CNTNAP2: variants seen among roughly 807,000 people sequenced by gnomAD.
The protein encoded by CNTNAP2 is contactin-associated protein-like 2.
Under a neutral mutation model 155.2 loss-of-function variants are expected in CNTNAP2, and 98 were observed. The observed-to-expected ratio is 0.63, with a 90% CI of 0.54 to 0.75. The LOEUF is 0.75. Ranked by LOEUF, CNTNAP2 falls within the 30% of genes least tolerant of loss-of-function variation. The probability of loss-of-function intolerance (pLI) is 0.00; values close to 1 mark genes in which losing one functional copy is unlikely to be tolerated. For missense variants in CNTNAP2, 1,727 were observed against 1,688.1 expected (o/e 1.02, Z -0.40); for synonymous variants, 651 against 631.2 (o/e 1.03, Z -0.47).
intron 13 of CNTNAP2, among the ~76,000 whole-genome samples, chr7:147,896,772 A>T (rs1424607489): frequency 2.0e-5 from 3 of 152,204 alleles, no homozygotes; most frequent in Non-Finnish European, 2.9e-5. Flanking sequence ...ATAATTTCTA[A>T]TCTTGCGGCT....
chr7:148,243,287 C>G (rs1473676114), intron 20 of CNTNAP2, among the ~76,000 whole-genome samples: 2 of 152,180 alleles, frequency 1.3e-5, no homozygotes, highest in African/African-American at 4.8e-5. Flanking sequence ...TTAACCCCAA[C>G]AGTGGAACAC....
intron 10 of CNTNAP2, among the ~76,000 whole-genome samples, chr7:147,419,071 CA>C (rs1216788135): frequency 2.0e-5 from 3 of 152,030 alleles, no homozygotes; most frequent in African/African-American, 7.2e-5. Context: ...TTTCCAATGC[CA>C]AAAAAATTTC....
chr7:146,939,020 C>A (rs1466052535), intron 3 of CNTNAP2, among the ~76,000 whole-genome samples: 2 of 151,906 alleles, frequency 1.3e-5, no homozygotes, highest in East Asian at 3.9e-4. Flanking sequence ...GGAAACCTGA[C>A]ATTTACAAGA....
intron 18 of CNTNAP2, among the ~76,000 whole-genome samples, chr7:148,201,650 A>G (rs1318639684): frequency 6.6e-6 from 1 of 152,140 alleles, no homozygotes; most frequent in Admixed American, 6.5e-5. Flanking sequence ...TTTGTATGCA[A>G]CTAAACTTTG....
At chr7:146,841,887 CTTT>C (rs71929031) in intron 3 of CNTNAP2, among the ~76,000 whole-genome samples, 1 of 145,864 alleles carries the variant, frequency 6.9e-6, no homozygotes, top group Non-Finnish European at 1.5e-5. Flanking sequence ...GTCTTGGAGT[CTTT>C]TTTTTTTTTG....
chr7:148,067,921 G>C (rs1158640046), intron 15 of CNTNAP2, among the ~76,000 whole-genome samples: 2 of 152,120 alleles, frequency 1.3e-5, no homozygotes, highest in Admixed American at 6.5e-5. Flanking sequence ...GGTTTCCAGG[G>C]AAGTGGGGGA....
At chr7:146,889,294 T>C (rs1322975647) in intron 3 of CNTNAP2, among the ~76,000 whole-genome samples, 12 of 152,180 alleles carry the variant, frequency 7.9e-5, no homozygotes. Flanking sequence ...GAATCTAAAA[T>C]ATGTGTAAAT....
chr7:146,750,169 T>C (rs1033441148), intron 1 of CNTNAP2, among the ~76,000 whole-genome samples: 4 of 152,112 alleles, frequency 2.6e-5, no homozygotes, highest in Non-Finnish European at 5.9e-5. Context: ...CAACATCAAC[T>C]CATATTCTTA....
intron 13 of CNTNAP2, among the ~76,000 whole-genome samples, chr7:147,792,497 AGT>A (rs3054133): frequency 3.9e-4 from 59 of 150,676 alleles, no homozygotes; most frequent in East Asian, 2.5e-3. Context: ...TCCACGTTGT[AGT>A]GTGTGTGTGT....
At chr7:147,675,923 A>G in intron 13 of CNTNAP2, among the ~76,000 whole-genome samples, 1 of 152,082 alleles carries the variant, frequency 6.6e-6, no homozygotes, top group African/African-American at 2.4e-5. Context: ...AAAAATAACG[A>G]TATTTTAATA....
At chr7:146,918,924 C>A (rs1015632776) in intron 3 of CNTNAP2, among the ~76,000 whole-genome samples, 2 of 152,132 alleles carry the variant, frequency 1.3e-5, no homozygotes, top group African/African-American at 4.8e-5. Flanking sequence ...AATTCAAAAG[C>A]CTTGTCTTTG....
chr7:146,237,102 G>T (rs1177484809), intron 1 of CNTNAP2, among the ~76,000 whole-genome samples: 1 of 152,182 alleles, frequency 6.6e-6, no homozygotes, highest in African/African-American at 2.4e-5. Context: ...CCCTTAGGAT[G>T]GGGTGATGAC....
chr7:146,131,163 T>C (rs1797708104), intron 1 of CNTNAP2, among the ~76,000 whole-genome samples: 1 of 152,238 alleles, frequency 6.6e-6, no homozygotes, highest in Non-Finnish European at 1.5e-5. Flanking sequence ...TATTTTTTAA[T>C]GTGAATAAAG....
chr7:146,546,550 A>G (rs1397605023), intron 1 of CNTNAP2, among the ~76,000 whole-genome samples: 3 of 151,770 alleles, frequency 2.0e-5, no homozygotes, highest in Non-Finnish European at 2.9e-5. Context: ...TATTCTTTCT[A>G]CTTGGTACCA....
chr7:148,040,219 T>C (rs965673728), intron 15 of CNTNAP2, among the ~76,000 whole-genome samples: 8 of 152,176 alleles, frequency 5.3e-5, no homozygotes, highest in African/African-American at 1.9e-4. Context: ...CTGAAATAAA[T>C]GGAAAATTCT....
rs1399091381 is a variant in CNTNAP2 at position 147,627,023 on chromosome 7, A to G, written c.1898-12083A>G. Among the ~76,000 whole-genome samples the G allele has an allele frequency of 2.0e-5, 3 of 152,142 alleles. No individual in the cohort carries two copies. In the East Asian group the frequency reaches 5.8e-4, roughly 29 times the overall value. ...TGTAGACATTCCCCAGCACCAGTCT[A>G]GAGCCTGGTAGCCCAGCTTGGTAAC... On this transcript the variant is annotated intron_variant, in intron 12 of 23. Transcript: ENST00000361727.
chr7:146,935,102 T>C (rs1796883103), intron 3 of CNTNAP2, among the ~76,000 whole-genome samples: 1 of 152,180 alleles, frequency 6.6e-6, no homozygotes, highest in African/African-American at 2.4e-5. Flanking sequence ...TGTGCACCCA[T>C]TGGAACCTTT....
intron 13 of CNTNAP2, among the ~76,000 whole-genome samples, chr7:147,786,462 G>A (rs1377727495): frequency 6.6e-6 from 1 of 152,150 alleles, no homozygotes; most frequent in Non-Finnish European, 1.5e-5. Flanking sequence ...CTTTATACAA[G>A]GGCTTGAGGA....
At chr7:146,599,579 T>C (rs967031399) in intron 1 of CNTNAP2, among the ~76,000 whole-genome samples, 2 of 149,080 alleles carry the variant, frequency 1.3e-5, no homozygotes, top group African/African-American at 2.6e-5. Flanking sequence ...CTGAACTCCC[T>C]TTTTCCCCGC....
Sources: gnomAD v4.1 joint callset for allele counts (sites outside exome capture counted in the v4.1 genomes callset) on GRCh38, gnomAD v4.1.1 for gene constraint, MANE v1.5 for transcripts, NCBI Gene and HGNC (gene_info 2026-07-23, HGNC 2026-07-21) for gene names.